The following SLC9B1 variants were observed in gnomAD, a reference collection of about 807,000 sequenced individuals.
SLC9B1 encodes solute carrier family 9 member B1, also known as sodium/hydrogen exchanger 9B1.
A neutral mutation model predicts 51.7 loss-of-function variants in SLC9B1; 32 were observed. The observed-to-expected ratio is 0.62, with a 90% CI of 0.47 to 0.83. SLC9B1 has a LOEUF of 0.83. Among genes scored for constraint, SLC9B1 ranks in the 40% least tolerant of loss-of-function variants. SLC9B1 has a pLI of 0.00. For synonymous variants in SLC9B1, 145 were observed against 212.7 expected, an observed-to-expected ratio of 0.68 and a Z score of 2.77; for missense variants, 406 against 613.2, an observed-to-expected ratio of 0.66 and a Z score of 3.57.
At chr4:102,976,452 C>G (rs1739075144) in intron 3 of SLC9B1, among the ~76,000 whole-genome samples, 1 of 152,104 alleles carries the variant, frequency 6.6e-6, no homozygotes, top group African/African-American at 2.4e-5. Flanking sequence ...ATTGCATTAG[C>G]TAATTTAATA....
At chr4:103,014,057 T>C (rs1338894334) in intron 1 of SLC9B1, among the ~76,000 whole-genome samples, 2 of 152,214 alleles carry the variant, frequency 1.3e-5, no homozygotes, top group Non-Finnish European at 2.9e-5. Context: ...TGACTTCCCA[T>C]AGAAGAAAAA....
intron 1 of SLC9B1, among the ~76,000 whole-genome samples, chr4:103,001,265 T>G (rs975094425): frequency 2.8e-4 from 42 of 152,366 alleles, no homozygotes; most frequent in Non-Finnish European, 5.6e-4. Context: ...AGACCTGTTA[T>G]GGGAGGGGCT....
chr4:103,014,595 C>G (rs1190017111), intron 1 of SLC9B1, among the ~76,000 whole-genome samples: 1 of 152,102 alleles, frequency 6.6e-6, no homozygotes, highest in Non-Finnish European at 1.5e-5. Flanking sequence ...AAACCAGAGA[C>G]AGTTTCATAA....
rs573480645 is a variant in SLC9B1 at position 102,905,437 on chromosome 4, T to C, written c.1332+77A>G. On this transcript the variant is annotated intron_variant, in intron 11 of 11. Transcript: ENST00000296422. ...AGGATAATAGCTCATATTTTGTGAC[T>C]AGAGTAACATTTTTCATTTTAAATT... 79 of 1,405,158 alleles carry C rather than the reference T, an allele frequency of 5.6e-5. 2 individuals carry two copies. In the South Asian group the frequency reaches 9.7e-4, roughly 17 times the overall value. The allele number at this position is 1,405,158 out of a possible 1,614,324, so 87.0% of individuals were successfully genotyped here.
At chr4:102,941,609 TA>T (rs1317328809) in intron 6 of SLC9B1, 26 of 237,556 alleles carry the variant, frequency 1.1e-4, no homozygotes, top group Non-Finnish European at 2.1e-4. Flanking sequence ...CATTGTACTC[TA>T]GCCTGGGCAA....
chr4:102,893,517 C>T (rs111349995), intron 11 of SLC9B1, among the ~76,000 whole-genome samples: 10,661 of 87,612 alleles, frequency 0.12, no homozygotes, highest in Non-Finnish European at 0.13. Context: ...ACTAGGGTTG[C>T]AAGAAGGATA....
chr4:103,017,046 G>T (rs1741402893), intron 1 of SLC9B1: 1 of 152,072 alleles, frequency 6.6e-6, no homozygotes, highest in Admixed American at 6.5e-5. Context: ...CGCCCTGGCT[G>T]CTCCTTTTTC....
chr4:103,000,353 G>A (rs1740455143), intron 1 of SLC9B1, among the ~76,000 whole-genome samples: 1 of 152,082 alleles, frequency 6.6e-6, no homozygotes, highest in South Asian at 2.1e-4. Flanking sequence ...GGCAAGGCAA[G>A]TTTTCAAAAC....
chr4:102,907,147 T>G (rs977005525), intron 9 of SLC9B1, among the ~76,000 whole-genome samples: 2 of 152,210 alleles, frequency 1.3e-5, no homozygotes, highest in African/African-American at 2.4e-5. Flanking sequence ...TAAAATAAAC[T>G]CACAAAGCAA....
At chr4:102,962,455 C>A (rs1235127084) in intron 3 of SLC9B1, 1 of 511,666 alleles carries the variant, frequency 2.0e-6, no homozygotes, top group Non-Finnish European at 4.0e-6. Flanking sequence ...AAATACAGAG[C>A]ATTTTTGCAG....
At chr4:102,910,050 C>T (rs1337290091) in intron 9 of SLC9B1, among the ~76,000 whole-genome samples, 6 of 152,052 alleles carry the variant, frequency 3.9e-5, no homozygotes, top group African/African-American at 9.6e-5. Flanking sequence ...CCTGACCCCA[C>T]GCGATCTGTC....
intron 7 of SLC9B1, among the ~76,000 whole-genome samples, chr4:102,930,131 T>C (rs1461041788): frequency 1.3e-5 from 2 of 152,166 alleles, no homozygotes; most frequent in East Asian, 3.9e-4. Context: ...CTAATAAACA[T>C]GGATATTTAA....
At chr4:102,972,481 G>A (rs905207468) in intron 3 of SLC9B1, among the ~76,000 whole-genome samples, 4 of 152,116 alleles carry the variant, frequency 2.6e-5, no homozygotes, top group Admixed American at 2.0e-4. Flanking sequence ...CCTGGGCTCA[G>A]GTGATCTGCT....
intron 3 of SLC9B1, among the ~76,000 whole-genome samples, chr4:102,950,559 G>A (rs1418682172): frequency 1.3e-5 from 2 of 152,190 alleles, no homozygotes; most frequent in African/African-American, 2.4e-5. Flanking sequence ...CTTTCCGGCT[G>A]TATAGAATTT....
chr4:102,997,107 A>G (rs978642806), intron 1 of SLC9B1, among the ~76,000 whole-genome samples: 5 of 152,146 alleles, frequency 3.3e-5, no homozygotes, highest in African/African-American at 4.8e-5. Context: ...AGATATTGAC[A>G]TCTGGTGTTG....
At chr4:102,975,586 ATTTTTTTTT>A (rs1197166005) in intron 3 of SLC9B1, among the ~76,000 whole-genome samples, 2 of 62,304 alleles carry the variant, frequency 3.2e-5, no homozygotes, top group African/African-American at 1.5e-4. Flanking sequence ...ATATATATAT[ATTTTTTTTT>A]TTTTTTTTTT....
chr4:102,902,029 C>A (rs1242910570), intron 11 of SLC9B1, among the ~76,000 whole-genome samples: 1 of 152,104 alleles, frequency 6.6e-6, no homozygotes, highest in Non-Finnish European at 1.5e-5. Context: ...TTTCTCTCTC[C>A]CTCACTCCTC....
chr4:102,959,348 A>C (rs1481695131), intron 3 of SLC9B1, among the ~76,000 whole-genome samples: 1 of 152,134 alleles, frequency 6.6e-6, no homozygotes, highest in African/African-American at 2.4e-5. Context: ...CAGTTTTATT[A>C]TCTGTAAAAT....
intron 9 of SLC9B1, among the ~76,000 whole-genome samples, chr4:102,908,750 T>A (rs1431344126): frequency 1.3e-5 from 2 of 152,312 alleles, no homozygotes; most frequent in Non-Finnish European, 2.9e-5. Context: ...TAGGAAATTT[T>A]ACTTTCATAC....
Sources: gnomAD v4.1 joint callset for allele counts (sites outside exome capture counted in the v4.1 genomes callset) on GRCh38, gnomAD v4.1.1 for gene constraint, MANE v1.5 for transcripts, NCBI Gene and HGNC (gene_info 2026-07-23, HGNC 2026-07-21) for gene names.